The following RBFOX1 variants were observed in gnomAD, a reference collection of about 807,000 sequenced individuals.
RBFOX1 encodes RNA binding fox-1 homolog 1.
Under a neutral mutation model 57.7 loss-of-function variants are expected in RBFOX1, and 8 were observed. That is an observed-to-expected ratio of 0.14 (90% CI 0.08 to 0.25). RBFOX1 has a LOEUF of 0.25. Ranked by LOEUF, RBFOX1 falls within the 10% of genes least tolerant of loss-of-function variation. RBFOX1 has a pLI of 1.00. For missense variants in RBFOX1, 611 were observed against 548.5 expected (o/e 1.11, Z -1.14); for synonymous variants, 326 against 222.4 (o/e 1.47, Z -4.15).
chr16:5,388,877 A>G (rs1223955191), intron 1 of RBFOX1, among the ~76,000 whole-genome samples: 1 of 147,996 alleles, frequency 6.8e-6, no homozygotes, highest in Admixed American at 6.7e-5. Context: ...GCGCCTTGCC[A>G]GAAGTGTTTA....
At chr16:6,985,729 G>C (rs2090090053) in intron 3 of RBFOX1, among the ~76,000 whole-genome samples, 1 of 150,768 alleles carries the variant, frequency 6.6e-6, no homozygotes, top group African/African-American at 2.5e-5. Flanking sequence ...AGCTACTCAA[G>C]AGGCTGAGGC....
intron 1 of RBFOX1, among the ~76,000 whole-genome samples, chr16:5,288,274 A>G (rs9928320): frequency 0.43 from 64,872 of 151,576 alleles, 14,226 homozygotes; most frequent in Non-Finnish European, 0.5. Flanking sequence ...AATTATTTGC[A>G]TACCACAAAG....
At chr16:7,640,787 G>T (rs187693028) in intron 11 of RBFOX1, among the ~76,000 whole-genome samples, 19 of 152,050 alleles carry the variant, frequency 1.2e-4, no homozygotes, top group East Asian at 7.8e-4. Context: ...ACCCTCATCC[G>T]GCCTCATCAG....
chr16:5,692,165 CTGTGTGTG>C (rs199585814), intron 3 of RBFOX1, among the ~76,000 whole-genome samples: 1,187 of 22,878 alleles, frequency 0.052, 19 homozygotes, highest in African/African-American at 0.062. Context: ...TAGGGACTGA[CTGTGTGTG>C]TGTGTGTGTG....
intron 2 of RBFOX1, among the ~76,000 whole-genome samples, chr16:5,597,651 C>A (rs762452537): frequency 6.6e-6 from 1 of 152,044 alleles, no homozygotes; most frequent in Non-Finnish European, 1.5e-5. Context: ...CTGTCCGCCT[C>A]GGCCTTGCTG....
chr16:6,876,364 T>G (rs73540697), intron 3 of RBFOX1, among the ~76,000 whole-genome samples: 2 of 151,848 alleles, frequency 1.3e-5, no homozygotes, highest in African/African-American at 2.4e-5. Context: ...AAAAATAATA[T>G]TAATACCATC....
At chr16:6,866,718 AT>A (rs1410045070) in intron 3 of RBFOX1, among the ~76,000 whole-genome samples, 1 of 151,134 alleles carries the variant, frequency 6.6e-6, no homozygotes, top group East Asian at 2.0e-4. Flanking sequence ...ATTTTTTTGT[AT>A]TTTTAGTAGA....
chr16:6,798,508 C>T (rs955380834), intron 3 of RBFOX1, among the ~76,000 whole-genome samples: 4 of 152,110 alleles, frequency 2.6e-5, no homozygotes, highest in Admixed American at 1.3e-4. Context: ...AACCAGACCC[C>T]TGATGCTTAA....
chr16:7,438,092 C>G (rs527855794), intron 4 of RBFOX1, among the ~76,000 whole-genome samples: 1 of 152,230 alleles, frequency 6.6e-6, no homozygotes, highest in South Asian at 2.1e-4. Flanking sequence ...CTCCGCGATG[C>G]TTGTCTGACA....
rs149227502 is a variant in RBFOX1, at chr16:5,540,457, G to T, written c.259-58445G>T. Among the ~76,000 whole-genome samples the T allele has an allele frequency of 2.6e-5, 4 of 152,300 alleles. No individual in the cohort carries two copies. The East Asian group carries it at 7.7e-4, about 29-fold the overall frequency. On this transcript the variant is annotated intron_variant, in intron 2 of 2. Transcript: ENST00000585867. ...TATATGGCACACCAATTAACTCTTA[G>T]TGTTCCCAAACTTAAGTTTGGGGAA...
At chr16:6,151,941 G>C (rs1054467121) in intron 1 of RBFOX1, among the ~76,000 whole-genome samples, 3 of 152,162 alleles carry the variant, frequency 2.0e-5, no homozygotes, top group African/African-American at 7.2e-5. Context: ...AAGGAGAAAA[G>C]AAAAAGCTTT....
intron 3 of RBFOX1, among the ~76,000 whole-genome samples, chr16:5,633,910 C>G (rs1044589042): frequency 6.6e-6 from 1 of 151,178 alleles, no homozygotes; most frequent in Non-Finnish European, 1.5e-5. Context: ...AGAAGATATA[C>G]AGACACCCAA....
chr16:5,609,832 A>C (rs949350771), intron 3 of RBFOX1, among the ~76,000 whole-genome samples: 9 of 69,602 alleles, frequency 1.3e-4, no homozygotes, highest in African/African-American at 4.5e-4. Context: ...AGCTGCGGAG[A>C]GGGTAGGTGG....
At chr16:6,233,424 C>A (rs1269212215) in intron 1 of RBFOX1, among the ~76,000 whole-genome samples, 1 of 152,094 alleles carries the variant, frequency 6.6e-6, no homozygotes, top group Non-Finnish European at 1.5e-5. Flanking sequence ...CTCGTCCCCA[C>A]CTCCACACCG....
chr16:7,234,195 T>G (rs2093651328), intron 4 of RBFOX1, among the ~76,000 whole-genome samples: 1 of 152,112 alleles, frequency 6.6e-6, no homozygotes, highest in Admixed American at 6.5e-5. Context: ...TGTGGCATGT[T>G]GCAGAGGGAC....
chr16:5,628,180 T>A lies in RBFOX1; in HGVS notation c.318+29219T>A, dbSNP rs146428823. Among the ~76,000 whole-genome samples the A allele has an allele frequency of 1.2e-3, 184 of 152,304 alleles. 5 individuals are homozygous for A. The East Asian group carries it at 0.034, about 28-fold the overall frequency. On this transcript the variant is annotated intron_variant, in intron 3 of 19. Coordinates refer to the RBFOX1 transcript ENST00000641259. ...CTGGCATTGGGTAGATACCCTTATA[T>A]CAGATAGTCTATTGAGAAATACATT...
chr16:5,552,929 A>C (rs1303360656), intron 2 of RBFOX1, among the ~76,000 whole-genome samples: 1 of 152,142 alleles, frequency 6.6e-6, no homozygotes, highest in Non-Finnish European at 1.5e-5. Flanking sequence ...TCAAAAGGCA[A>C]GGTGTATGGA....
At chr16:5,917,383 C>G (rs560762167) in intron 4 of RBFOX1, among the ~76,000 whole-genome samples, 1 of 152,224 alleles carries the variant, frequency 6.6e-6, no homozygotes, top group Non-Finnish European at 1.5e-5. Context: ...ATCCTCCCAA[C>G]AGCCTAAGAG....
At chr16:6,351,354 A>G (rs12930324) in intron 2 of RBFOX1, among the ~76,000 whole-genome samples, 1,628 of 61,930 alleles carry the variant, frequency 0.026, 15 homozygotes, top group African/African-American at 0.065. Context: ...GTGTGTGTGT[A>G]TATATATATA....
Sources: gnomAD v4.1 joint callset for allele counts (sites outside exome capture counted in the v4.1 genomes callset) on GRCh38, gnomAD v4.1.1 for gene constraint, MANE v1.5 for transcripts, NCBI Gene and HGNC (gene_info 2026-07-23, HGNC 2026-07-21) for gene names.